Variants in PRTFDC1 observed in about 807,000 individuals in gnomAD.
The protein encoded by PRTFDC1 is phosphoribosyl transferase domain containing 1, also known as phosphoribosyltransferase domain-containing protein 1.
A neutral mutation model predicts 34.6 loss-of-function variants in PRTFDC1; 38 were observed. That is an observed-to-expected ratio of 1.10 (90% CI 0.85 to 1.44). The LOEUF is 1.44. Ranked by LOEUF, PRTFDC1 falls within the 40% of genes most tolerant of loss-of-function variation. The pLI is 0.00. For missense variants in PRTFDC1, 270 were observed against 283.0 expected, an observed-to-expected ratio of 0.95 and a Z score of 0.33; for synonymous variants, 93 against 98.1, an observed-to-expected ratio of 0.95 and a Z score of 0.31.
At chr10:24,885,730 C>A (rs1485349292) in intron 3 of PRTFDC1, among the ~76,000 whole-genome samples, 1 of 152,160 alleles carries the variant, frequency 6.6e-6, no homozygotes, top group African/African-American at 2.4e-5. Flanking sequence ...AATTGCTAAA[C>A]TATGGAAACA....
At chr10:24,898,286 CAAAAA>C (rs34691185) in intron 3 of PRTFDC1, among the ~76,000 whole-genome samples, 15 of 75,200 alleles carry the variant, frequency 2.0e-4, no homozygotes, top group African/African-American at 8.1e-4. Context: ...CCCGTCTCTA[CAAAAA>C]AAAAAAAAAA....
intron 4 of PRTFDC1, among the ~76,000 whole-genome samples, chr10:24,862,027 A>G (rs1157491675): frequency 6.6e-6 from 1 of 152,092 alleles, no homozygotes; most frequent in Non-Finnish European, 1.5e-5. Context: ...TCTATAATAT[A>G]TAAATATAAA....
intron 8 of PRTFDC1, among the ~76,000 whole-genome samples, chr10:24,850,960 C>T (rs1438855629): frequency 6.6e-6 from 1 of 152,126 alleles, no homozygotes; most frequent in African/African-American, 2.4e-5. Flanking sequence ...TGGGGGTCCA[C>T]GTCTGTGTGG....
Position 24,898,463 on chromosome 10 carries a change from C to CAAAAAAAA in PRTFDC1, c.340-26408_340-26401dup, listed in dbSNP as rs36004025. Among the ~76,000 whole-genome samples, 39 of 98,102 alleles carry CAAAAAAAA rather than the reference C, an allele frequency of 4.0e-4. 1 individual carries two copies. The highest frequency in any genetic ancestry group is 1.7e-3 in the East Asian group (5 of 2,908). 64.4% of individuals were successfully genotyped at this position (98,102 alleles called of 152,430 possible). On this transcript the variant is annotated intron_variant, in intron 3 of 8. Coordinates refer to ENST00000320152, the MANE Select transcript of PRTFDC1 (RefSeq NM_020200.7). ...CGGGTGACAGAATGAGACCCTGTCT[C>CAAAAAAAA]AAAAAAAAAAAAAAAAAAGGAATGA...
chr10:24,908,381 T>C, intron 3 of PRTFDC1: 1 of 1,284,372 alleles, frequency 7.8e-7, no homozygotes, highest in East Asian at 2.4e-5. Context: ...CAAGAAGAAA[T>C]ACATCATCCA....
intron 4 of PRTFDC1, among the ~76,000 whole-genome samples, chr10:24,870,147 T>A (rs112652027): frequency 0.023 from 3,470 of 152,294 alleles, 137 homozygotes; most frequent in African/African-American, 0.079. Flanking sequence ...TCTTGTTCTG[T>A]CGCCCAGGCT....
chr10:24,896,162 G>A (rs1010175480), intron 3 of PRTFDC1, among the ~76,000 whole-genome samples: 1 of 152,186 alleles, frequency 6.6e-6, no homozygotes, highest in African/African-American at 2.4e-5. Flanking sequence ...TGGGAACAGG[G>A]CCACACAGCA....
intron 4 of PRTFDC1, chr10:24,867,578 T>C (rs1847801339): frequency 6.6e-6 from 1 of 152,174 alleles, no homozygotes; most frequent in Admixed American, 6.5e-5. Context: ...TCCCTGTTTT[T>C]GATTAATTTC....
chr10:24,945,898 C>T (rs748703459), intron 1 of PRTFDC1, among the ~76,000 whole-genome samples: 11 of 152,196 alleles, frequency 7.2e-5, no homozygotes, highest in Non-Finnish European at 1.3e-4. Context: ...TCTAACACTA[C>T]AGCAGCTGGC....
chr10:24,881,353 G>C (rs1761465657), intron 3 of PRTFDC1, among the ~76,000 whole-genome samples: 1 of 152,050 alleles, frequency 6.6e-6, no homozygotes, highest in Non-Finnish European at 1.5e-5. Flanking sequence ...CCACTTTGCT[G>C]TTTTCATCCT....
chr10:24,937,378 G>A lies in PRTFDC1; in HGVS notation c.156-11C>T. On this transcript the variant is annotated splice_polypyrimidine_tract_variant and intron_variant, in intron 2 of 8. Coordinates refer to ENST00000320152, the MANE Select transcript of PRTFDC1 (RefSeq NM_020200.7). ...GCCAGCCGCTCAATTCTGAAAGAAGGATAAAAGATATATTAAGGCACAACT... is the reference window on the plus strand; with the variant it reads ...GCCAGCCGCTCAATTCTGAAAGAAGAATAAAAGATATATTAAGGCACAACT... 3.1e-6 allele frequency: 5 copies of A among 1,600,830 alleles called. No individual in the cohort carries two copies. Among genetic ancestry groups the A allele is most frequent in the Non-Finnish European group, 4.3e-6 (5 of 1,174,244 alleles).
At chr10:24,950,850 T>C (rs1849331502) in intron 1 of PRTFDC1, among the ~76,000 whole-genome samples, 1 of 152,216 alleles carries the variant, frequency 6.6e-6, no homozygotes, top group Non-Finnish European at 1.5e-5. Flanking sequence ...CATATTATTC[T>C]TTTTGCTGAT....
At chr10:24,884,222 A>G (rs1848128362) in intron 3 of PRTFDC1, among the ~76,000 whole-genome samples, 1 of 152,204 alleles carries the variant, frequency 6.6e-6, no homozygotes, top group Non-Finnish European at 1.5e-5. Flanking sequence ...TGATTTTTCA[A>G]AAGTAACAAC....
chr10:24,933,944 C>A (rs575790572), intron 3 of PRTFDC1, among the ~76,000 whole-genome samples: 1 of 152,050 alleles, frequency 6.6e-6, no homozygotes, highest in African/African-American at 2.4e-5. Context: ...CTGCCCGACT[C>A]GGCCTGCCAA....
intron 4 of PRTFDC1, among the ~76,000 whole-genome samples, chr10:24,860,551 T>C (rs1237487352): frequency 6.6e-6 from 1 of 152,230 alleles, no homozygotes; most frequent in Non-Finnish European, 1.5e-5. Flanking sequence ...TAAAATAACT[T>C]CTTGGAAGTG....
intron 3 of PRTFDC1, among the ~76,000 whole-genome samples, chr10:24,883,144 T>TTA (rs1443247711): frequency 2.7e-5 from 4 of 148,632 alleles, no homozygotes; most frequent in African/African-American, 4.9e-5. Flanking sequence ...AACATAAATA[T>TTA]TATATATATA....
chr10:24,893,599 T>A (rs1211984410), intron 3 of PRTFDC1, among the ~76,000 whole-genome samples: 1 of 152,202 alleles, frequency 6.6e-6, no homozygotes, highest in Non-Finnish European at 1.5e-5. Flanking sequence ...AGGGCCACTG[T>A]GCCCAGCTTC....
chr10:24,851,594 G>T, intron 7 of PRTFDC1, 130 bp from the exon 8 acceptor site: 1 of 1,400,976 alleles, frequency 7.1e-7, no homozygotes, highest in Non-Finnish European at 9.5e-7. Context: ...GTGAGAAATG[G>T]TGAGAAATGC....
At chr10:24,946,978 AT>A (rs1668317928) in intron 1 of PRTFDC1, among the ~76,000 whole-genome samples, 4 of 152,060 alleles carry the variant, frequency 2.6e-5, no homozygotes, top group South Asian at 2.1e-4. Flanking sequence ...TCTACAAAAA[AT>A]AAAAAAAAAA....
Sources: allele counts gnomAD v4.1 joint callset (sites outside exome capture counted in the v4.1 genomes callset), GRCh38; gene constraint gnomAD v4.1.1; transcripts MANE v1.5; gene names NCBI Gene and HGNC (gene_info 2026-07-23, HGNC 2026-07-21).